UGT1A7: variants seen among roughly 807,000 people sequenced by gnomAD.
UGT1A7 encodes UDP-glucuronosyltransferase 1A7.
In UGT1A7, 33 loss-of-function variants were observed where a neutral mutation model predicts 45.6. That is an observed-to-expected ratio of 0.72 (90% CI 0.55 to 0.97). The LOEUF (loss-of-function observed/expected upper bound fraction) is 0.97, where lower values mean the gene tolerates loss of function less well. Among genes scored for constraint, UGT1A7 ranks in the 50% least tolerant of loss-of-function variants. The probability of loss-of-function intolerance (pLI) is 0.00; values close to 1 mark genes in which losing one functional copy is unlikely to be tolerated. For synonymous variants in UGT1A7, 274 were observed against 250.6 expected, an observed-to-expected ratio of 1.09 and a Z score of -0.88; for missense variants, 684 against 666.2, an observed-to-expected ratio of 1.03 and a Z score of -0.29.
chr2:233,722,324 C>T (rs1239720305), intron 1 of UGT1A7, among the ~76,000 whole-genome samples: 1 of 152,060 alleles, frequency 6.6e-6, no homozygotes, highest in Non-Finnish European at 1.5e-5. Flanking sequence ...GTTTGGTTGA[C>T]CCTTAGATTT....
chr2:233,767,182 C>T lies in UGT1A7; in HGVS notation c.987+17C>T. The T allele has an allele frequency of 6.2e-7, 1 of 1,613,942 alleles. No individual in the cohort carries two copies. The highest frequency in any genetic ancestry group is 8.5e-7 in the Non-Finnish European group (1 of 1,179,982). On this transcript the variant is annotated intron_variant, in intron 2 of 4. Coordinates refer to ENST00000373426, the MANE Select transcript of UGT1A7 (RefSeq NM_019077.3). ...CCTCAGACAGTAAGAAGATTCTATACCATGGCCTCATATCTATTTTCACAG... is the reference window on the plus strand; with the variant it reads ...CCTCAGACAGTAAGAAGATTCTATATCATGGCCTCATATCTATTTTCACAG...
intron 1 of UGT1A7, chr2:233,747,152 G>T: frequency 1.3e-6 from 2 of 1,577,610 alleles, no homozygotes; most frequent in Non-Finnish European, 1.7e-6. Flanking sequence ...TTAAGATGAA[G>T]AAAACAAATG....
chr2:233,739,708 G>C lies in UGT1A7; in HGVS notation c.856-27326G>C, dbSNP rs578128950. Reference sequence around the variant, plus strand: ...TGTTTTTGATTTTACAGGCTCATGGGGGAAGGGACTTGACTTGTCTCAGAT... The same window carrying C: ...TGTTTTTGATTTTACAGGCTCATGGCGGAAGGGACTTGACTTGTCTCAGAT... On this transcript the variant is annotated intron_variant, in intron 1 of 4. Coordinates refer to ENST00000373426, the MANE Select transcript of UGT1A7 (RefSeq NM_019077.3). 2.0e-5 allele frequency among the ~76,000 whole-genome samples: 3 copies of C among 152,316 alleles called. No homozygotes were observed. The East Asian group carries it at 5.8e-4, about 29-fold the overall frequency.
chr2:233,718,187 C>G (rs1403409338), intron 1 of UGT1A7, among the ~76,000 whole-genome samples: 2 of 152,200 alleles, frequency 1.3e-5, no homozygotes, highest in Non-Finnish European at 2.9e-5. Flanking sequence ...TGAGCTCAGC[C>G]TCCCCGGAGC....
intron 1 of UGT1A7, among the ~76,000 whole-genome samples, chr2:233,724,264 C>A (rs1250827727): frequency 1.7e-5 from 2 of 116,566 alleles, no homozygotes; most frequent in East Asian, 2.8e-4. Flanking sequence ...ACCTCCCGGA[C>A]GGGGCGGCTG....
At chr2:233,696,010 C>A (rs1247688377) in intron 1 of UGT1A7, among the ~76,000 whole-genome samples, 1 of 152,132 alleles carries the variant, frequency 6.6e-6, no homozygotes, top group Non-Finnish European at 1.5e-5. Context: ...TCAGGTCCCA[C>A]AGACATGGGG....
chr2:233,746,322 CT>C (rs1693360361), intron 1 of UGT1A7, among the ~76,000 whole-genome samples: 1 of 151,756 alleles, frequency 6.6e-6, no homozygotes, highest in Admixed American at 6.5e-5. Flanking sequence ...TGTAGATGAT[CT>C]ACAGGGCAAT....
chr2:233,713,977 CATT>C (rs2076359856), intron 1 of UGT1A7: 15 of 1,595,186 alleles, frequency 9.4e-6, no homozygotes, highest in African/African-American at 5.4e-5. Context: ...TTCTGCTTCT[CATT>C]GTTGTAATAG....
At chr2:233,721,643 G>A (rs953438688) in intron 1 of UGT1A7, 2 of 207,656 alleles carry the variant, frequency 9.6e-6, no homozygotes, top group Non-Finnish European at 2.0e-5. Context: ...TCTTGAATGT[G>A]GCAGTGGGGG....
At chr2:233,693,677 C>A in intron 1 of UGT1A7, 8 of 1,614,168 alleles carry the variant, frequency 5.0e-6, no homozygotes, top group Non-Finnish European at 6.8e-6. Context: ...ATTTTATTGT[C>A]TGTTTTCAAA....
intron 1 of UGT1A7, among the ~76,000 whole-genome samples, chr2:233,725,098 A>G (rs1201053871): frequency 1.4e-5 from 2 of 143,348 alleles, no homozygotes; most frequent in Non-Finnish European, 3.0e-5. Context: ...GAGGCAGGAG[A>G]ATCAGGCAGG....
intron 1 of UGT1A7, among the ~76,000 whole-genome samples, chr2:233,697,477 C>G (rs966758556): frequency 6.7e-6 from 1 of 149,952 alleles, no homozygotes; most frequent in African/African-American, 2.4e-5. Flanking sequence ...CTTAGTCTAG[C>G]TCAAGGTTTG....
At chr2:233,760,657 T>G in intron 1 of UGT1A7, 1 of 1,614,222 alleles carries the variant, frequency 6.2e-7, no homozygotes. Flanking sequence ...TGCTATGCTT[T>G]TGTCTGGCTG....
At chr2:233,720,704 CTT>C (rs796417980) in intron 1 of UGT1A7, among the ~76,000 whole-genome samples, 9 of 139,144 alleles carry the variant, frequency 6.5e-5, no homozygotes, top group Non-Finnish European at 6.3e-5. Context: ...GGGAGCCATC[CTT>C]TTTTTTTTTT....
At chr2:233,735,837 C>T (rs2078701654) in intron 1 of UGT1A7, among the ~76,000 whole-genome samples, 1 of 151,994 alleles carries the variant, frequency 6.6e-6, no homozygotes, top group South Asian at 2.1e-4. Flanking sequence ...GAATATTGGC[C>T]CCCACTCTCT....
At chr2:233,719,730 C>G in intron 1 of UGT1A7, 3 of 1,613,500 alleles carry the variant, frequency 1.9e-6, no homozygotes, top group Non-Finnish European at 2.5e-6. Flanking sequence ...CCAGGCAAAA[C>G]ACTTTTTAAA....
chr2:233,707,844 T>G lies in UGT1A7; in HGVS notation c.855+25052T>G, dbSNP rs544627573. Among the ~76,000 whole-genome samples, 5 of 152,318 alleles carry G rather than the reference T, an allele frequency of 3.3e-5. No individual in the cohort carries two copies. In the South Asian group the frequency reaches 6.2e-4, roughly 19 times the overall value. ...TCATTAATTTAATAAGATGTAACTA[T>G]TTTTCAGAGTGGTTGTACATATCCC... On this transcript the variant is annotated intron_variant, in intron 1 of 4. Transcript: ENST00000373426.
chr2:233,688,768 T>G (rs2125540599), intron 1 of UGT1A7, among the ~76,000 whole-genome samples: 1 of 152,314 alleles, frequency 6.6e-6, no homozygotes, highest in African/African-American at 2.4e-5. Context: ...GAACATGGCT[T>G]TGCCATTCTA....
chr2:233,719,419 C>A (rs761827245), intron 1 of UGT1A7: 1 of 1,613,996 alleles, frequency 6.2e-7, no homozygotes, highest in Non-Finnish European at 8.5e-7. Flanking sequence ...TTACTAACGA[C>A]CAATTCAGAC....
Sources: allele counts gnomAD v4.1 joint callset (sites outside exome capture counted in the v4.1 genomes callset), GRCh38; gene constraint gnomAD v4.1.1; transcripts MANE v1.5; gene names NCBI Gene and HGNC (gene_info 2026-07-23, HGNC 2026-07-21).